GRM8: variants seen among roughly 807,000 people sequenced by gnomAD.
The protein encoded by GRM8 is metabotropic glutamate receptor 8.
In GRM8, 47 loss-of-function variants were observed where a neutral mutation model predicts 87.2. That is an observed-to-expected ratio of 0.54 (90% CI 0.43 to 0.69). GRM8 has a LOEUF of 0.69. Among genes scored for constraint, GRM8 ranks in the 30% least tolerant of loss-of-function variants. The pLI is 0.00. For missense variants in GRM8, 1,019 were observed against 1,139.2 expected, an observed-to-expected ratio of 0.89 and a Z score of 1.52; for synonymous variants, 396 against 404.5, an observed-to-expected ratio of 0.98 and a Z score of 0.25.
intron 7 of GRM8, among the ~76,000 whole-genome samples, chr7:126,696,384 G>T (rs1186887170): frequency 6.6e-6 from 1 of 151,880 alleles, no homozygotes; most frequent in Non-Finnish European, 1.5e-5. Flanking sequence ...CTCTTTCCCT[G>T]CCCCCTACTC....
At chr7:127,234,625 A>G (rs1404728118) in intron 2 of GRM8, among the ~76,000 whole-genome samples, 1 of 152,212 alleles carries the variant, frequency 6.6e-6, no homozygotes, top group Non-Finnish European at 1.5e-5. Flanking sequence ...TGTGCAAAAG[A>G]GCAGCATCAG....
chr7:126,756,067 C>A (rs1026424695), intron 7 of GRM8, among the ~76,000 whole-genome samples: 1 of 151,866 alleles, frequency 6.6e-6, no homozygotes, highest in Non-Finnish European at 1.5e-5. Context: ...ACACACAATT[C>A]TGACTACAAA....
At chr7:126,480,734 A>G (rs1172808321) in intron 9 of GRM8, among the ~76,000 whole-genome samples, 1 of 152,136 alleles carries the variant, frequency 6.6e-6, no homozygotes, top group Non-Finnish European at 1.5e-5. Context: ...ATATATAAAA[A>G]TAGATGCAAA....
intron 9 of GRM8, among the ~76,000 whole-genome samples, chr7:126,482,106 C>G (rs1806756669): frequency 6.6e-6 from 1 of 151,914 alleles, no homozygotes; most frequent in Non-Finnish European, 1.5e-5. Flanking sequence ...GTATGAGACA[C>G]CACCTGATAC....
At chr7:127,150,957 T>C (rs530843759) in intron 2 of GRM8, among the ~76,000 whole-genome samples, 9 of 152,212 alleles carry the variant, frequency 5.9e-5, no homozygotes, top group African/African-American at 2.2e-4. Context: ...AGAAGGTTGT[T>C]GTTTTTTTGT....
At chr7:126,442,995 A>T (rs921613903) in intron 10 of GRM8, among the ~76,000 whole-genome samples, 3 of 152,040 alleles carry the variant, frequency 2.0e-5, no homozygotes, top group African/African-American at 7.2e-5. Context: ...AGATGTACCA[A>T]TGAGTTCATA....
In GRM8 at chr7:127,072,634, CT is replaced by C. The variant is rs34143758; in HGVS notation, c.727+33861del. 5.4e-3 allele frequency among the ~76,000 whole-genome samples: 781 copies of C among 143,986 alleles called. 3 individuals carry two copies. The highest frequency in any genetic ancestry group is 0.011 in the African/African-American group (444 of 39,966). 94.5% of individuals were successfully genotyped at this position (143,986 alleles called of 152,430 possible). ...CTAAATGCTGAACCCTCATATTATACTTTTTTTTTTTTTGCAGCATCTGGCT... is the reference window on the plus strand; with the variant it reads ...CTAAATGCTGAACCCTCATATTATACTTTTTTTTTTTTGCAGCATCTGGCT... On this transcript the variant is annotated intron_variant, in intron 3 of 10. Coordinates refer to ENST00000339582, the MANE Select transcript of GRM8 (RefSeq NM_000845.3).
intron 10 of GRM8, among the ~76,000 whole-genome samples, chr7:126,444,031 TA>T (rs1801740667): frequency 6.6e-6 from 1 of 151,896 alleles, no homozygotes; most frequent in East Asian, 1.9e-4. Flanking sequence ...TTTGGTTCTT[TA>T]ATTTGGCAAC....
rs1033322076 is a variant in GRM8, at chr7:126,629,241, A to G, written c.1358-19743T>C. ...TTTTCTGCACATTTTTAGATTTTACATCAGTCAACCTTCTGTCTGTTATTT... is the reference window on the plus strand; with the variant it reads ...TTTTCTGCACATTTTTAGATTTTACGTCAGTCAACCTTCTGTCTGTTATTT... On this transcript the variant is annotated intron_variant, in intron 7 of 10. Coordinates refer to ENST00000339582, the MANE Select transcript of GRM8 (RefSeq NM_000845.3). Among the ~76,000 whole-genome samples the G allele has an allele frequency of 4.6e-5, 7 of 152,212 alleles. No individual in the cohort carries two copies. The East Asian group carries it at 5.8e-4, about 13-fold the overall frequency.
intron 7 of GRM8, among the ~76,000 whole-genome samples, chr7:126,637,642 T>C (rs1186755180): frequency 2.0e-5 from 3 of 152,144 alleles, no homozygotes; most frequent in Admixed American, 1.3e-4. Context: ...CCCTGAAACA[T>C]GTGGCTAGAA....
At chr7:126,931,538 T>G (rs1165654500) in intron 3 of GRM8, among the ~76,000 whole-genome samples, 1 of 152,312 alleles carries the variant, frequency 6.6e-6, no homozygotes, top group South Asian at 2.1e-4. Flanking sequence ...TAATAAAGAA[T>G]TTAGAAAACA....
At chr7:126,947,983 G>A (rs1233296263) in intron 3 of GRM8, among the ~76,000 whole-genome samples, 2 of 152,146 alleles carry the variant, frequency 1.3e-5, no homozygotes, top group African/African-American at 4.8e-5. Context: ...CAGCATCCTA[G>A]CAAAGAGGGT....
At chr7:127,187,457 A>T (rs943438294) in intron 2 of GRM8, among the ~76,000 whole-genome samples, 6 of 152,200 alleles carry the variant, frequency 3.9e-5, no homozygotes, top group African/African-American at 1.4e-4. Context: ...GTCTGTCTGC[A>T]TAGTTTAAGT....
intron 10 of GRM8, among the ~76,000 whole-genome samples, chr7:126,440,072 G>C (rs1382201185): frequency 6.6e-6 from 1 of 151,714 alleles, no homozygotes; most frequent in African/African-American, 2.4e-5. Flanking sequence ...TATTGAAAAA[G>C]GAAATGTTTA....
intron 8 of GRM8, among the ~76,000 whole-genome samples, chr7:126,571,819 C>A (rs1794715943): frequency 6.6e-6 from 1 of 151,400 alleles, no homozygotes; most frequent in Admixed American, 6.6e-5. Context: ...CGGCTCACTG[C>A]AACCTCTGCC....
chr7:127,156,330 T>C (rs962983683), intron 2 of GRM8, among the ~76,000 whole-genome samples: 5 of 152,122 alleles, frequency 3.3e-5, no homozygotes, highest in African/African-American at 4.8e-5. Context: ...CTGGGCTGCA[T>C]TGGGAGAAGA....
intron 7 of GRM8, among the ~76,000 whole-genome samples, chr7:126,724,467 C>A (rs1812747815): frequency 6.6e-6 from 1 of 152,072 alleles, no homozygotes; most frequent in African/African-American, 2.4e-5. Context: ...TGAATGATTG[C>A]CTGGAGGAAA....
intron 3 of GRM8, among the ~76,000 whole-genome samples, chr7:127,077,059 G>T (rs980347929): frequency 1.3e-5 from 2 of 152,074 alleles, no homozygotes; most frequent in Non-Finnish European, 2.9e-5. Flanking sequence ...TATAGCCTTC[G>T]TTACTGTGTG....
rs796467487 is a variant in GRM8, at chr7:126,726,832, C to CA, written c.1357+43032dup. 1.5e-4 allele frequency among the ~76,000 whole-genome samples: 23 copies of CA among 151,962 alleles called. 1 individual carries two copies. The highest frequency in any genetic ancestry group is 5.5e-4 in the African/African-American group (23 of 41,460). On this transcript the variant is annotated intron_variant, in intron 7 of 10. Coordinates refer to ENST00000339582, the MANE Select transcript of GRM8 (RefSeq NM_000845.3). ...CCTTCCAATCTAAAGAAAATTCTGA[C>CA]AAAACCAAGATAGGCCACCCAAGAT... is the stretch of plus-strand genomic sequence containing the variant.
Sources: gnomAD v4.1 joint callset for allele counts (sites outside exome capture counted in the v4.1 genomes callset) on GRCh38, gnomAD v4.1.1 for gene constraint, MANE v1.5 for transcripts, NCBI Gene and HGNC (gene_info 2026-07-23, HGNC 2026-07-21) for gene names.